TSPAN9: variants seen among roughly 807,000 people sequenced by gnomAD.
The protein encoded by TSPAN9 is tetraspanin-9.
TSPAN9 carries 16 observed loss-of-function variants against 31.0 expected under a neutral mutation model. That is an observed-to-expected ratio of 0.52 (90% CI 0.35 to 0.78). The LOEUF is 0.78. Ranked by LOEUF, TSPAN9 falls within the 30% of genes least tolerant of loss-of-function variation. The pLI, the probability that TSPAN9 is intolerant of heterozygous loss-of-function variation, is 0.01. For synonymous variants in TSPAN9, 145 were observed against 121.6 expected (o/e 1.19, Z -1.27); for missense variants, 272 against 312.5 (o/e 0.87, Z 0.98).
intron 2 of TSPAN9, among the ~76,000 whole-genome samples, chr12:3,132,389 AACGC>A (rs1264193323): frequency 6.6e-6 from 1 of 152,150 alleles, no homozygotes; most frequent in Non-Finnish European, 1.5e-5. Flanking sequence ...CCCTGCCGGC[AACGC>A]ATGAGGGTTC....
chr12:3,083,418 T>C (rs2098298862), intron 1 of TSPAN9, among the ~76,000 whole-genome samples: 1 of 152,312 alleles, frequency 6.6e-6, no homozygotes, highest in Admixed American at 6.5e-5. Flanking sequence ...ATCGCAGCTG[T>C]CTTTTCTGCT....
chr12:3,220,280 T>C (rs1308775982), intron 3 of TSPAN9, among the ~76,000 whole-genome samples: 10 of 152,234 alleles, frequency 6.6e-5, no homozygotes, highest in Non-Finnish European at 1.3e-4. Context: ...TGCTACCTTA[T>C]GTCTGACTGA....
At chr12:3,085,684 C>A (rs1254313316) in intron 2 of TSPAN9, among the ~76,000 whole-genome samples, 1 of 152,146 alleles carries the variant, frequency 6.6e-6, no homozygotes, top group South Asian at 2.1e-4. Context: ...ACCTACAAAG[C>A]GGCAGGTTGG....
chr12:3,136,261 A>G (rs2098332082), intron 2 of TSPAN9, among the ~76,000 whole-genome samples: 1 of 152,154 alleles, frequency 6.6e-6, no homozygotes, highest in Non-Finnish European at 1.5e-5. Flanking sequence ...AATCCCTCCT[A>G]ATCAGGTGCA....
intron 2 of TSPAN9, among the ~76,000 whole-genome samples, chr12:3,189,824 C>T (rs56902161): frequency 0.29 from 44,380 of 152,010 alleles, 6,612 homozygotes; most frequent in Middle Eastern, 0.34. Context: ...AGACGACAGC[C>T]AGTGCTCCTG....
At chr12:3,102,023 A>G (rs12810695) in intron 2 of TSPAN9, among the ~76,000 whole-genome samples, 94,322 of 152,070 alleles carry the variant, frequency 0.62, 30,055 homozygotes, top group African/African-American at 0.76. Flanking sequence ...CCACTGGGTC[A>G]AGGATGGTTT....
At chr12:3,119,177 G>A (rs1039975535) in intron 2 of TSPAN9, among the ~76,000 whole-genome samples, 1 of 152,176 alleles carries the variant, frequency 6.6e-6, no homozygotes, top group Admixed American at 6.5e-5. Context: ...TCTGCCCTCA[G>A]GATGCTTATA....
rs75502279 is a variant in TSPAN9, at chr12:3,180,884, C to T, written c.-17-20293C>T. 7.5e-4 allele frequency among the ~76,000 whole-genome samples: 114 copies of T among 152,254 alleles called. 2 individuals carry two copies. In the East Asian group the frequency reaches 0.019, roughly 25 times the overall value. The stretch of plus-strand genomic sequence containing the variant: ...AACAGAGCTCTGACTTGTGAATCCA[C>T]GAAGTTATTCTATTTTTCTGTGCAC... On this transcript the variant is annotated intron_variant, in intron 2 of 8. Coordinates refer to ENST00000011898, the MANE Select transcript of TSPAN9 (RefSeq NM_006675.5).
In TSPAN9 at chr12:3,278,989, C is replaced by T. The variant is rs1404830953; in HGVS notation, c.256-3C>T. ...TACCCATGCCTGGCCCTTTCCTTTC[C>T]AGTTTTTCATCGTCCTGTTGGTCAT... On this transcript the variant is annotated splice_region_variant and splice_polypyrimidine_tract_variant and intron_variant, in intron 4 of 8. Transcript: ENST00000011898. 2 of 1,614,028 alleles carry T rather than the reference C, an allele frequency of 1.2e-6. No homozygotes were observed. Among genetic ancestry groups the T allele is most frequent in the Non-Finnish European group, 1.7e-6 (2 of 1,180,000 alleles).
chr12:3,140,782 C>G (rs994858937), intron 2 of TSPAN9, among the ~76,000 whole-genome samples: 1 of 151,858 alleles, frequency 6.6e-6, no homozygotes, highest in Admixed American at 6.6e-5. Flanking sequence ...GCACAGAATG[C>G]TGTGAGGTTC....
rs554010344 is a variant in TSPAN9, at chr12:3,109,226, G to A, written c.-18+25507G>A. 2.9e-3 allele frequency among the ~76,000 whole-genome samples: 436 copies of A among 150,734 alleles called. 1 individual carries two copies. The highest frequency in any genetic ancestry group is 8.6e-3 in the Admixed American group (130 of 15,152). ...GCTGGGATTACAGGTGTGAGCCACC[G>A]CTCCTGGCCAGGAGGAAGGATTCTT... is the stretch of plus-strand genomic sequence containing the variant. On this transcript the variant is annotated intron_variant, in intron 2 of 8. Transcript: ENST00000011898.
chr12:3,223,417 G>A (rs1185462365), intron 3 of TSPAN9, among the ~76,000 whole-genome samples: 1 of 152,216 alleles, frequency 6.6e-6, no homozygotes, highest in Non-Finnish European at 1.5e-5. Flanking sequence ...CGGTGGAGAT[G>A]TGGGACAGGG....
intron 2 of TSPAN9, among the ~76,000 whole-genome samples, chr12:3,180,733 C>T (rs1290594155): frequency 6.6e-6 from 1 of 152,166 alleles, no homozygotes; most frequent in African/African-American, 2.4e-5. Flanking sequence ...ACCTAGGAAG[C>T]TTGGATGGGC....
chr12:3,166,811 CTTT>C lies in TSPAN9; in HGVS notation c.-17-34365_-17-34363del, dbSNP rs200680573. Among the ~76,000 whole-genome samples, 1,070 of 152,100 alleles carry C rather than the reference CTTT, an allele frequency of 7.0e-3. 9 individuals carry two copies. The highest frequency in any genetic ancestry group is 0.022 in the African/African-American group (931 of 41,492). On this transcript the variant is annotated intron_variant, in intron 2 of 8. Transcript: ENST00000011898. ...TGTTTTTTGTTTTTGTTTTTTTCTT[CTTT>C]GAGATGGAGTCTCGCTCTGTCACCG...
intron 3 of TSPAN9, among the ~76,000 whole-genome samples, chr12:3,243,197 G>A (rs906245985): frequency 5.9e-5 from 9 of 152,140 alleles, no homozygotes; most frequent in African/African-American, 1.9e-4. Context: ...CCCTGTACCC[G>A]AGTTACTGTC....
intron 2 of TSPAN9, among the ~76,000 whole-genome samples, chr12:3,157,035 C>T (rs1452097217): frequency 1.3e-5 from 2 of 151,918 alleles, no homozygotes; most frequent in East Asian, 3.9e-4. Flanking sequence ...CGCTGAGCCT[C>T]ATAGAAACAG....
At chr12:3,151,649 C>T (rs12423841) in intron 2 of TSPAN9, among the ~76,000 whole-genome samples, 2,657 of 152,294 alleles carry the variant, frequency 0.017, 213 homozygotes, top group Admixed American at 0.14. Flanking sequence ...GGACATGGCG[C>T]CCATTTCCAG....
At chr12:3,216,377 C>T (rs887364) in intron 3 of TSPAN9, among the ~76,000 whole-genome samples, 21,047 of 152,176 alleles carry the variant, frequency 0.14, 1,582 homozygotes, top group Admixed American at 0.19. Context: ...TCTTTTGCTC[C>T]CCCGAGATGT....
At chr12:3,258,263 C>G (rs1017478318) in intron 3 of TSPAN9, among the ~76,000 whole-genome samples, 3 of 152,170 alleles carry the variant, frequency 2.0e-5, no homozygotes, top group African/African-American at 7.2e-5. Context: ...CAGTCTCGGG[C>G]TGAGTCCACA....
Sources: gnomAD v4.1 joint callset for allele counts (sites outside exome capture counted in the v4.1 genomes callset) on GRCh38, gnomAD v4.1.1 for gene constraint, MANE v1.5 for transcripts, NCBI Gene and HGNC (gene_info 2026-07-23, HGNC 2026-07-21) for gene names.